The following WDR7 variants were observed in gnomAD, a reference collection of about 807,000 sequenced individuals.
The protein encoded by WDR7 is WD repeat-containing protein 7.
A neutral mutation model predicts 169.4 loss-of-function variants in WDR7; 46 were observed. The observed-to-expected ratio is 0.27, with a 90% CI of 0.21 to 0.35. WDR7 has a LOEUF of 0.35. Ranked by LOEUF, WDR7 falls within the 10% of genes least tolerant of loss-of-function variation. The pLI is 1.00. For missense variants in WDR7, 1,534 were observed against 1,859.3 expected, an observed-to-expected ratio of 0.83 and a Z score of 3.22; for synonymous variants, 612 against 666.8, an observed-to-expected ratio of 0.92 and a Z score of 1.27.
intron 26 of WDR7, among the ~76,000 whole-genome samples, chr18:56,985,866 T>C (rs2047709350): frequency 6.6e-6 from 1 of 152,092 alleles, no homozygotes; most frequent in Admixed American, 6.5e-5. Flanking sequence ...TGTACATGTT[T>C]CTTAAAGAGA....
chr18:56,738,931 G>A (rs1385357822), intron 14 of WDR7, among the ~76,000 whole-genome samples: 1 of 149,314 alleles, frequency 6.7e-6, no homozygotes, highest in African/African-American at 2.5e-5. Context: ...GCAAACATTG[G>A]TTATAATAAT....
In WDR7 at chr18:56,757,295, T is replaced by C. The variant is rs1230263631; in HGVS notation, c.2702T>C (p.Leu901Ser). 6.2e-7 allele frequency: 1 copy of C among 1,614,120 alleles called. No individual in the cohort carries two copies. Among genetic ancestry groups the C allele is most frequent in the South Asian group, 1.1e-5 (1 of 91,074 alleles). Residue 901 changes from leucine to serine, a missense_variant, in exon 15 of 28, where the codon TTA (leucine) becomes TCA (serine). Coordinates refer to ENST00000254442, the MANE Select transcript of WDR7 (RefSeq NM_015285.3). Reference sequence around the variant, plus strand: ...TCTATCATTTCTTTGGCAAATACTTTAATGAGTATGACCAATGCAACTTTT... The same window carrying C: ...TCTATCATTTCTTTGGCAAATACTTCAATGAGTATGACCAATGCAACTTTT... ...LLSIISLANT[L>S]MSMTNATFIG...
intron 12 of WDR7, among the ~76,000 whole-genome samples, chr18:56,704,005 A>G (rs189410810): frequency 6.6e-6 from 1 of 152,286 alleles, no homozygotes; most frequent in African/African-American, 2.4e-5. Flanking sequence ...TACAGTCACC[A>G]TTTTACTACC....
intron 19 of WDR7, among the ~76,000 whole-genome samples, chr18:56,797,382 G>C (rs950489160): frequency 5.3e-5 from 8 of 152,026 alleles, no homozygotes; most frequent in African/African-American, 1.9e-4. Context: ...CCTTCTAGTA[G>C]TTTACTAGAG....
intron 2 of WDR7, among the ~76,000 whole-genome samples, chr18:56,675,614 A>T (rs1265992872): frequency 6.6e-6 from 1 of 151,140 alleles, no homozygotes; most frequent in African/African-American, 2.4e-5. Context: ...TGGATCCTTT[A>T]GGATTTTCTG....
chr18:57,010,908 A>AT (rs1568312511), intron 26 of WDR7, among the ~76,000 whole-genome samples: 1 of 152,122 alleles, frequency 6.6e-6, no homozygotes, highest in African/African-American at 2.4e-5. Flanking sequence ...ATCAGTACCT[A>AT]TTTTTTAGAG....
chr18:56,688,685 C>T (rs1438037529), intron 7 of WDR7, among the ~76,000 whole-genome samples: 9 of 151,302 alleles, frequency 5.9e-5, no homozygotes, highest in Admixed American at 1.3e-4. Context: ...GCCGAGATTG[C>T]GGCACTGCAC....
intron 16 of WDR7, among the ~76,000 whole-genome samples, chr18:56,771,840 C>A (rs907492217): frequency 6.6e-6 from 1 of 151,576 alleles, no homozygotes; most frequent in Admixed American, 6.6e-5. Context: ...CAAGATCATG[C>A]CATTGCACTC....
chr18:56,732,491 C>T (rs1387978893), intron 14 of WDR7, among the ~76,000 whole-genome samples: 2 of 152,102 alleles, frequency 1.3e-5, no homozygotes, highest in Non-Finnish European at 2.9e-5. Context: ...TTGAAAGGCT[C>T]ATCTGCAGAC....
chr18:56,893,931 A>G (rs1357700059), intron 21 of WDR7, among the ~76,000 whole-genome samples: 2 of 152,098 alleles, frequency 1.3e-5, no homozygotes, highest in Non-Finnish European at 2.9e-5. Context: ...ATAGCCTTCA[A>G]AAACTCAATA....
intron 26 of WDR7, among the ~76,000 whole-genome samples, chr18:57,008,206 C>A (rs2048092729): frequency 6.6e-6 from 1 of 152,134 alleles, no homozygotes; most frequent in Non-Finnish European, 1.5e-5. Context: ...CGCTTGCCCT[C>A]TCCTTCCTGT....
chr18:56,756,733 C>G lies in WDR7; in HGVS notation c.2140C>G (p.Leu714Val), dbSNP rs2043897093. 3 of 1,614,016 alleles carry G rather than the reference C, an allele frequency of 1.9e-6. No individual in the cohort carries two copies. The highest frequency in any genetic ancestry group is 1.6e-4 in the Middle Eastern group (1 of 6,084). Residue 714 changes from leucine to valine, a missense_variant, in exon 15 of 28, where the codon CTT (leucine) becomes GTT (valine). Transcript: ENST00000254442. Reference sequence around the variant, plus strand: ...AGAAGCCTCTAGGCCGAATACTGCTCTTATTTCCCCAGAGAATTTGCAAAA... The same window carrying G: ...AGAAGCCTCTAGGCCGAATACTGCTGTTATTTCCCCAGAGAATTTGCAAAA... ...TEEASRPNTALISPENLQKAS... is the reference protein window; with the variant it reads ...TEEASRPNTAVISPENLQKAS...
At chr18:57,026,276 C>T (rs953903728) in intron 27 of WDR7, among the ~76,000 whole-genome samples, 14 of 152,000 alleles carry the variant, frequency 9.2e-5, no homozygotes, top group Non-Finnish European at 1.8e-4. Context: ...AATTTAAATC[C>T]AGAAAAACTG....
rs576009540 is a variant in WDR7, at chr18:56,909,222, A to G, written c.3527-14700A>G. On this transcript the variant is annotated intron_variant, in intron 21 of 27. Coordinates refer to ENST00000254442, the MANE Select transcript of WDR7 (RefSeq NM_015285.3). ...TTAATAGCTCTCTCCTACCATCCAT[A>G]GATTTTTAGTCACTGGAGAGAGAAA... is the stretch of plus-strand genomic sequence containing the variant. 4.6e-5 allele frequency among the ~76,000 whole-genome samples: 5 copies of G among 109,570 alleles called. No individual in the cohort carries two copies. The South Asian group carries it at 1.9e-3, about 42-fold the overall frequency. 71.9% of individuals were successfully genotyped at this position (109,570 alleles called of 152,430 possible).
intron 20 of WDR7, among the ~76,000 whole-genome samples, chr18:56,844,102 C>A (rs1293139254): frequency 9.2e-5 from 14 of 151,592 alleles, no homozygotes; most frequent in Admixed American, 9.2e-4. Flanking sequence ...ACCTTGTGAT[C>A]TGCCTGCCTC....
At chr18:56,906,772 C>G (rs2046483374) in intron 21 of WDR7, among the ~76,000 whole-genome samples, 1 of 152,148 alleles carries the variant, frequency 6.6e-6, no homozygotes, top group Non-Finnish European at 1.5e-5. Flanking sequence ...GAACTCCTGA[C>G]CTCAGGTGAT....
chr18:56,754,247 T>TTGTGTGTG (rs71169393), intron 14 of WDR7, among the ~76,000 whole-genome samples: 8 of 141,696 alleles, frequency 5.6e-5, no homozygotes, highest in East Asian at 4.2e-4. Flanking sequence ...GTTTTGTGCT[T>TTGTGTGTG]TGTGTGTGTG....
intron 25 of WDR7, chr18:56,957,617 C>A (rs1214432807): frequency 6.6e-6 from 1 of 152,134 alleles, no homozygotes; most frequent in Non-Finnish European, 1.5e-5. Flanking sequence ...CATAATACCT[C>A]GGTTACTTTT....
At chr18:56,763,572 T>C (rs1049939141) in intron 16 of WDR7, among the ~76,000 whole-genome samples, 1 of 152,226 alleles carries the variant, frequency 6.6e-6, no homozygotes, top group African/African-American at 2.4e-5. Context: ...TTAATGCCTT[T>C]GTCCAGTTTT....
Sources: allele counts gnomAD v4.1 joint callset (sites outside exome capture counted in the v4.1 genomes callset), GRCh38; gene constraint gnomAD v4.1.1; transcripts MANE v1.5; gene names NCBI Gene and HGNC (gene_info 2026-07-23, HGNC 2026-07-21).